Variants in ASTN1 observed in about 807,000 individuals in gnomAD.
The protein encoded by ASTN1 is astrotactin 1, also known as astrotactin-1.
ASTN1 carries 41 observed loss-of-function variants against 140.7 expected under a neutral mutation model. The ratio of observed to expected loss-of-function variants is 0.29; its 90% CI spans 0.23 to 0.38. The LOEUF is 0.38. ASTN1 is among the 10% of genes least tolerant of loss of function. The probability of loss-of-function intolerance (pLI) is 1.00; values close to 1 mark genes in which losing one functional copy is unlikely to be tolerated. For missense variants in ASTN1, 1,479 were observed against 1,678.8 expected, an observed-to-expected ratio of 0.88 and a Z score of 2.08; for synonymous variants, 640 against 652.2, an observed-to-expected ratio of 0.98 and a Z score of 0.29.
intron 8 of ASTN1, among the ~76,000 whole-genome samples, chr1:177,006,136 A>T: frequency 6.6e-6 from 1 of 152,190 alleles, no homozygotes; most frequent in East Asian, 1.9e-4. Context: ...TTAAAATTGA[A>T]GGTTTTAACT....
chr1:176,940,904 T>C (rs1000303475), intron 14 of ASTN1, among the ~76,000 whole-genome samples: 8 of 152,216 alleles, frequency 5.3e-5, no homozygotes, highest in African/African-American at 1.9e-4. Context: ...CTGCAGGGCT[T>C]CTAGGAAACT....
At chr1:177,130,781 G>T (rs530768212) in intron 1 of ASTN1, among the ~76,000 whole-genome samples, 2 of 152,284 alleles carry the variant, frequency 1.3e-5, no homozygotes, top group African/African-American at 4.8e-5. Flanking sequence ...CATGAGCCTG[G>T]TCCACGTTAA....
In ASTN1 at chr1:177,132,529, G is replaced by C. The variant is rs1681989666; in HGVS notation, c.283+31865C>G. Among the ~76,000 whole-genome samples the C allele has an allele frequency of 4.6e-5, 7 of 152,274 alleles. No individual in the cohort carries two copies. In the South Asian group the frequency reaches 1.5e-3, roughly 32 times the overall value. On this transcript the variant is annotated intron_variant, in intron 1 of 22. Transcript: ENST00000361833. ...GGAGGAAGGTGCAGATATACCAGCAGCAGGGTCTCCTTTCTGCATTAGATA... is the reference window on the plus strand; with the variant it reads ...GGAGGAAGGTGCAGATATACCAGCACCAGGGTCTCCTTTCTGCATTAGATA...
At chr1:177,148,153 T>C (rs1263588309) in intron 1 of ASTN1, among the ~76,000 whole-genome samples, 3 of 152,102 alleles carry the variant, frequency 2.0e-5, no homozygotes, top group Non-Finnish European at 4.4e-5. Flanking sequence ...GTGTGGTGGC[T>C]CACGCCTGTA....
chr1:177,145,821 A>G lies in ASTN1; in HGVS notation c.283+18573T>C, dbSNP rs372310574. Among the ~76,000 whole-genome samples, 11 of 152,360 alleles carry G rather than the reference A, an allele frequency of 7.2e-5. 1 individual carries two copies. The highest frequency in any genetic ancestry group is 6.2e-4 in the South Asian group (3 of 4,830). ...ATAAACCAAGTGCTGCTACATTCAC[A>G]TGCAAGACAATTAATTCTCCCTGGA... On this transcript the variant is annotated intron_variant, in intron 1 of 22. Transcript: ENST00000361833.
At chr1:176,963,009 C>T (rs1046024696) in intron 9 of ASTN1, among the ~76,000 whole-genome samples, 6 of 152,062 alleles carry the variant, frequency 3.9e-5, no homozygotes, top group Admixed American at 1.3e-4. Context: ...ATTTATATTA[C>T]GAGAAAAATG....
intron 16 of ASTN1, among the ~76,000 whole-genome samples, chr1:176,917,771 C>G (rs879801957): frequency 1.3e-5 from 2 of 152,140 alleles, no homozygotes; most frequent in Non-Finnish European, 2.9e-5. Flanking sequence ...GGACAGCACA[C>G]TCACCTTGGA....
intron 2 of ASTN1, among the ~76,000 whole-genome samples, chr1:177,054,912 T>TA (rs1677724581): frequency 6.6e-6 from 1 of 152,202 alleles, no homozygotes; most frequent in African/African-American, 2.4e-5. Context: ...TGAGGGCTGA[T>TA]AAAATCACTC....
intron 22 of ASTN1, among the ~76,000 whole-genome samples, chr1:176,868,492 G>C (rs1668209334): frequency 1.3e-5 from 2 of 152,200 alleles, no homozygotes; most frequent in Admixed American, 1.3e-4. Context: ...AAAATTTTTA[G>C]ATATCCTCTT....
chr1:176,879,317 C>T lies in ASTN1; in HGVS notation c.3363-2680G>A, dbSNP rs568377805. On this transcript the variant is annotated intron_variant, in intron 20 of 22. Transcript: ENST00000361833. ...CTGTTCCTGCCTGACTACCAGAGCC[C>T]TGAGCATGGTGTTGGAACTCAGGTC... is the stretch of plus-strand genomic sequence containing the variant. Among the ~76,000 whole-genome samples the T allele has an allele frequency of 9.9e-5, 15 of 152,236 alleles. No homozygotes were observed. In the East Asian group the frequency reaches 2.9e-3, roughly 30 times the overall value.
chr1:177,017,457 G>T (rs1675610764), intron 7 of ASTN1, among the ~76,000 whole-genome samples: 1 of 152,212 alleles, frequency 6.6e-6, no homozygotes, highest in African/African-American at 2.4e-5. Flanking sequence ...AGTTGCTATG[G>T]CAACCAACTG....
intron 8 of ASTN1, among the ~76,000 whole-genome samples, chr1:176,966,715 AT>A (rs1672906392): frequency 1.3e-5 from 2 of 151,902 alleles, no homozygotes; most frequent in Admixed American, 1.3e-4. Flanking sequence ...ATTATATATT[AT>A]ATTATGGTGA....
chr1:177,164,346 G>A, intron 1 of ASTN1, 48 bp downstream of exon 1: 1 of 1,472,934 alleles, frequency 6.8e-7, no homozygotes, highest in Admixed American at 2.3e-5. Flanking sequence ...GGGGGGTGGG[G>A]GCGCCGGTCC....
chr1:177,070,711 A>T (rs1678594390), intron 1 of ASTN1, among the ~76,000 whole-genome samples: 1 of 152,190 alleles, frequency 6.6e-6, no homozygotes, highest in Non-Finnish European at 1.5e-5. Flanking sequence ...AGAATAGTCA[A>T]CCTACTTGAC....
At chr1:176,890,173 G>T (rs1409321517) in intron 17 of ASTN1, among the ~76,000 whole-genome samples, 2 of 152,146 alleles carry the variant, frequency 1.3e-5, no homozygotes, top group South Asian at 2.1e-4. Context: ...AACTAGCAAA[G>T]TTACAATAAC....
chr1:177,155,187 T>C (rs1683188735), intron 1 of ASTN1, among the ~76,000 whole-genome samples: 1 of 152,180 alleles, frequency 6.6e-6, no homozygotes, highest in Non-Finnish European at 1.5e-5. Flanking sequence ...AGAGCAGTGG[T>C]TGCCAGAGTT....
Position 177,164,401 on chromosome 1 carries a change from G to T in ASTN1, c.276C>A (p.Phe92Leu). 1 of 1,596,820 alleles carries T rather than the reference G, an allele frequency of 6.3e-7. No individual in the cohort carries two copies. Among genetic ancestry groups the T allele is most frequent in the African/African-American group, 1.3e-5 (1 of 74,382 alleles). ...ACCTCCCCCGGGACTCACCCAGCACGAAGTAGGGCAGCTCCGTGTTCTCCA... is the reference window on the plus strand; with the variant it reads ...ACCTCCCCCGGGACTCACCCAGCACTAAGTAGGGCAGCTCCGTGTTCTCCA... Reference protein sequence around the residue: ...DDLENTELPYFVLEISGNTED... With the variant: ...DDLENTELPYLVLEISGNTED... The change falls in exon 1 of 23, where the codon TTC (phenylalanine) becomes TTA (leucine). Residue 92 changes from phenylalanine to leucine, a missense_variant. By Grantham distance (22) the Phe-to-Leu change is conservative (BLOSUM62 0). This residue lies in a region of ASTN1 where 729 missense variants were observed against 860.4 expected (regional missense o/e 0.85). Transcript: ENST00000361833.
chr1:176,861,809 A>T lies in ASTN1; in HGVS notation c.*2475T>A. 1.0e-6 allele frequency: 1 copy of T among 985,494 alleles called. No individual in the cohort carries two copies. The highest frequency in any genetic ancestry group is 1.2e-6 in the Non-Finnish European group (1 of 829,978). 61.0% of individuals were successfully genotyped at this position (985,494 alleles called of 1,614,324 possible). A position where few individuals can be genotyped will look rare whatever the true frequency, so the allele number is the denominator to read the frequency against. On this transcript the variant is annotated 3_prime_UTR_variant, in exon 23 of 23. Transcript: ENST00000361833. ...GGGTCACAGAAAGAAGAAGTAAAAGACAAAGATAAAGAAGGTAGAGGAACT... is the reference window on the plus strand; with the variant it reads ...GGGTCACAGAAAGAAGAAGTAAAAGTCAAAGATAAAGAAGGTAGAGGAACT...
rs75371514 is a variant in ASTN1, at chr1:177,088,736, C to T, written c.284-27471G>A. On this transcript the variant is annotated intron_variant, in intron 1 of 22. Coordinates refer to ENST00000361833, the MANE Select transcript of ASTN1 (RefSeq NM_004319.3). ...AATTTCTGCCCCTCTGCCTTCCAGT[C>T]GTACTCCCAGAATAAACTAATATTC... 5.1e-3 allele frequency among the ~76,000 whole-genome samples: 776 copies of T among 152,276 alleles called. 8 individuals are homozygous for T. The highest frequency in any genetic ancestry group is 0.018 in the African/African-American group (744 of 41,540).
Sources: allele counts gnomAD v4.1 joint callset (sites outside exome capture counted in the v4.1 genomes callset), GRCh38; gene constraint gnomAD v4.1.1; regional missense constraint gnomAD v4.1.1; transcripts MANE v1.5; gene names NCBI Gene and HGNC (gene_info 2026-07-23, HGNC 2026-07-21).